The following PLCL2 variants were observed in gnomAD, a reference collection of about 807,000 sequenced individuals.
PLCL2 encodes phospholipase C like 2, also known as inactive phospholipase C-like protein 2.
In PLCL2, 4 loss-of-function variants were observed where a neutral mutation model predicts 79.6. The ratio of observed to expected loss-of-function variants is 0.05; its 90% CI spans 0.02 to 0.11. The LOEUF (loss-of-function observed/expected upper bound fraction) is 0.11. Ranked by LOEUF, PLCL2 falls within the 10% of genes least tolerant of loss-of-function variation. PLCL2 has a pLI of 1.00. For synonymous variants in PLCL2, 484 were observed against 457.7 expected (o/e 1.06, Z -0.73); for missense variants, 895 against 1,291.0 (o/e 0.69, Z 4.70).
At chr3:17,082,429 G>T (rs560146317) in intron 5 of PLCL2, among the ~76,000 whole-genome samples, 6 of 152,082 alleles carry the variant, frequency 3.9e-5, no homozygotes, top group African/African-American at 1.4e-4. Flanking sequence ...ACCGCGCCTG[G>T]CCAGAATTGT....
chr3:17,011,226 C>T lies in PLCL2; in HGVS notation c.1880C>T (p.Ser627Leu). The change falls in exon 2 of 6, where the codon TCA becomes TTA. Residue 627 changes from serine to leucine, a missense_variant. By Grantham distance (145) the Ser-to-Leu change is moderately radical. Coordinates refer to ENST00000615277, the MANE Select transcript of PLCL2 (RefSeq NM_001144382.2). The surrounding 1 kb of genome is among the most constrained non-coding windows in gnomAD (Gnocchi z 7.9). The part of the protein sequence containing the change: ...ELSELVSICK[S>L]VQFKEFQVSF... Reference sequence around the variant, plus strand: ...TCTGAACTGGTCAGCATCTGCAAATCAGTTCAGTTCAAAGAATTTCAGGTG... The same window carrying T: ...TCTGAACTGGTCAGCATCTGCAAATTAGTTCAGTTCAAAGAATTTCAGGTG... 1 of 1,614,142 alleles carries T rather than the reference C, an allele frequency of 6.2e-7. No individual in the cohort carries two copies. The highest frequency in any genetic ancestry group is 2.2e-5 in the East Asian group (1 of 44,884).
intron 5 of PLCL2, among the ~76,000 whole-genome samples, chr3:17,086,996 C>T (rs2065227127): frequency 6.6e-6 from 1 of 152,218 alleles, no homozygotes; most frequent in Admixed American, 6.5e-5. Context: ...AAACTAACAT[C>T]ACCAAATGCT....
intron 1 of PLCL2, among the ~76,000 whole-genome samples, chr3:16,959,000 G>C (rs1172391638): frequency 6.6e-6 from 1 of 152,108 alleles, no homozygotes; most frequent in Non-Finnish European, 1.5e-5. Context: ...ACCATCCTTG[G>C]ATTTATATTA....
chr3:17,086,292 TACTC>T (rs897614565), intron 5 of PLCL2, among the ~76,000 whole-genome samples: 2 of 152,204 alleles, frequency 1.3e-5, no homozygotes, highest in African/African-American at 2.4e-5. Context: ...ACAAAGCAGT[TACTC>T]AATCTTTGGC....
chr3:17,063,224 T>TCCTCCCTC (rs1559536555), intron 4 of PLCL2, among the ~76,000 whole-genome samples: 2 of 35,032 alleles, frequency 5.7e-5, no homozygotes. Flanking sequence ...TTCTCTTCCT[T>TCCTCCCTC]CCTCCCTCCC....
intron 1 of PLCL2, among the ~76,000 whole-genome samples, chr3:16,928,278 A>G (rs1697305194): frequency 6.6e-6 from 1 of 152,208 alleles, no homozygotes; most frequent in Non-Finnish European, 1.5e-5. Flanking sequence ...ATTCACATTG[A>G]GTAGATGAGC....
intron 1 of PLCL2, among the ~76,000 whole-genome samples, chr3:16,923,995 G>A (rs1285530833): frequency 1.3e-5 from 2 of 152,044 alleles, no homozygotes; most frequent in African/African-American, 2.4e-5. Flanking sequence ...TCTCTGTTTG[G>A]TAAGACATCA....
intron 1 of PLCL2, among the ~76,000 whole-genome samples, chr3:16,934,350 C>A (rs562881727): frequency 6.6e-6 from 1 of 152,064 alleles, no homozygotes; most frequent in Non-Finnish European, 1.5e-5. Context: ...CTAAGCTGAG[C>A]CCTGGAGAAT....
chr3:16,975,314 A>T (rs1049034276), intron 1 of PLCL2, among the ~76,000 whole-genome samples: 1 of 152,156 alleles, frequency 6.6e-6, no homozygotes, highest in Admixed American at 6.6e-5. Flanking sequence ...TTGGTTCCTT[A>T]TTCGCTTACT....
At chr3:16,908,855 T>C (rs1194031597) in intron 1 of PLCL2, among the ~76,000 whole-genome samples, 1 of 152,196 alleles carries the variant, frequency 6.6e-6, no homozygotes, top group Non-Finnish European at 1.5e-5. Context: ...GTAGAGACTA[T>C]TGGAAATATA....
intron 1 of PLCL2, among the ~76,000 whole-genome samples, chr3:16,921,606 A>T (rs1376613258): frequency 1.3e-5 from 2 of 152,204 alleles, no homozygotes; most frequent in African/African-American, 4.8e-5. Flanking sequence ...AAAACAGGAG[A>T]TGTACTGCTC....
At chr3:16,981,285 T>C (rs930358725) in intron 1 of PLCL2, among the ~76,000 whole-genome samples, 3 of 152,260 alleles carry the variant, frequency 2.0e-5, no homozygotes, top group African/African-American at 7.2e-5. Context: ...TCCCCCAGGT[T>C]ACTTTCCATT....
chr3:16,902,826 CAAAAAAAAAAA>C (rs777160871), intron 1 of PLCL2, among the ~76,000 whole-genome samples: 2 of 73,690 alleles, frequency 2.7e-5, no homozygotes, highest in Non-Finnish European at 6.3e-5. Context: ...CACTCCATCT[CAAAAAAAAAAA>C]AAAAAAAATG....
At chr3:16,908,619 G>A (rs763075564) in intron 1 of PLCL2, among the ~76,000 whole-genome samples, 51 of 152,284 alleles carry the variant, frequency 3.3e-4, no homozygotes, top group Non-Finnish European at 5.6e-4. Context: ...GGAGGTGGTG[G>A]ATAATCTTCA....
intron 1 of PLCL2, among the ~76,000 whole-genome samples, chr3:16,925,579 C>T (rs1269680990): frequency 2.0e-5 from 3 of 152,314 alleles, no homozygotes; most frequent in African/African-American, 4.8e-5. Context: ...ATTACTGTCT[C>T]TCTGAATTTG....
chr3:17,055,495 C>A (rs1269547925), intron 4 of PLCL2, among the ~76,000 whole-genome samples: 3 of 152,196 alleles, frequency 2.0e-5, no homozygotes, highest in Admixed American at 1.3e-4. Context: ...CACACCTCAA[C>A]CGTCCCTGTA....
chr3:17,043,009 C>A, intron 4 of PLCL2, 60 bp downstream of exon 4: 3 of 1,099,802 alleles, frequency 2.7e-6, no homozygotes, highest in Non-Finnish European at 4.2e-6. Flanking sequence ...TACTTTGCCC[C>A]AAAACTATTT....
At chr3:17,004,339 C>T (rs2125004268) in intron 1 of PLCL2, among the ~76,000 whole-genome samples, 1 of 152,218 alleles carries the variant, frequency 6.6e-6, no homozygotes, top group South Asian at 2.1e-4. Flanking sequence ...CCCTCATAGA[C>T]TCTGCAAAGC....
At chr3:17,048,727 T>G (rs2064807910) in intron 4 of PLCL2, among the ~76,000 whole-genome samples, 1 of 152,234 alleles carries the variant, frequency 6.6e-6, no homozygotes, top group Non-Finnish European at 1.5e-5. Flanking sequence ...TGTGTGATGC[T>G]AATCATCTCT....
Sources: gnomAD v4.1 joint callset for allele counts (sites outside exome capture counted in the v4.1 genomes callset) on GRCh38, gnomAD v4.1.1 for gene constraint, Gnocchi (gnomAD v3.1) non-coding constraint, MANE v1.5 for transcripts, NCBI Gene and HGNC (gene_info 2026-07-23, HGNC 2026-07-21) for gene names.